TCF25: variants seen among roughly 807,000 people sequenced by gnomAD.
TCF25 encodes the protein TCF25 ribosome quality control complex subunit.
TCF25 carries 41 observed loss-of-function variants against 83.1 expected under a neutral mutation model. The ratio of observed to expected loss-of-function variants is 0.49; its 90% CI spans 0.38 to 0.64. TCF25 has a LOEUF of 0.64. TCF25 is among the 30% of genes least tolerant of loss of function. TCF25 has a pLI of 0.00. For synonymous variants in TCF25, 458 were observed against 365.0 expected (o/e 1.25, Z -2.90); for missense variants, 979 against 914.5 (o/e 1.07, Z -0.91).
intron 1 of TCF25, among the ~76,000 whole-genome samples, chr16:89,875,820 CTTTTTTTTTTTTTTTT>C (rs1164528945): frequency 3.1e-4 from 20 of 64,836 alleles, no homozygotes; most frequent in African/African-American, 9.7e-4. Flanking sequence ...CTGCGCCTGG[CTTTTTTTTTTTTTTTT>C]TTTTTTTTTT....
At chr16:89,905,908 T>C (rs1473064704) in intron 14 of TCF25, among the ~76,000 whole-genome samples, 3 of 152,220 alleles carry the variant, frequency 2.0e-5, no homozygotes, top group African/African-American at 7.2e-5. Context: ...ACTCAGTGAC[T>C]TCCCACAAGA....
chr16:89,886,654 C>T (rs1189743256), intron 4 of TCF25, among the ~76,000 whole-genome samples: 2 of 151,838 alleles, frequency 1.3e-5, no homozygotes, highest in African/African-American at 2.4e-5. Flanking sequence ...CCCAGCTACT[C>T]AGGGGGCTGA....
intron 1 of TCF25, among the ~76,000 whole-genome samples, chr16:89,875,082 C>T (rs12446243): frequency 0.12 from 18,317 of 152,196 alleles, 2,412 homozygotes; most frequent in East Asian, 0.62. Context: ...TCACTGCAAC[C>T]TTGAACTCCT....
intron 1 of TCF25, among the ~76,000 whole-genome samples, chr16:89,877,740 T>C (rs980860828): frequency 6.6e-6 from 1 of 152,032 alleles, no homozygotes; most frequent in Non-Finnish European, 1.5e-5. Flanking sequence ...AACTCTAGAT[T>C]GACTGATGGA....
intron 16 of TCF25, chr16:89,909,136 A>C: frequency 7.8e-7 from 1 of 1,283,262 alleles, no homozygotes; most frequent in African/African-American, 1.5e-5. Flanking sequence ...AAAACATATT[A>C]ATTTTAGAAT....
At chr16:89,907,142 G>A (rs1211660769) in intron 15 of TCF25, 101 bp from the exon 16 acceptor site, 3 of 1,136,664 alleles carry the variant, frequency 2.6e-6, no homozygotes, top group African/African-American at 1.5e-5. Flanking sequence ...CTCAGCAGAT[G>A]CATCCAGTCC....
intron 1 of TCF25, chr16:89,878,539 T>G (rs927417991): frequency 8.1e-7 from 1 of 1,235,350 alleles, no homozygotes; most frequent in African/African-American, 1.6e-5. Context: ...TGATCGAGCT[T>G]TATCCTAAAG....
intron 15 of TCF25, 48 bp downstream of exon 15, chr16:89,906,332 G>A (rs758869679): frequency 1.9e-6 from 3 of 1,582,626 alleles, no homozygotes; most frequent in African/African-American, 1.3e-5. Flanking sequence ...CCGGTCACAT[G>A]CACGTCCCTT....
At chr16:89,892,368 A>T (rs2043496541) in intron 6 of TCF25, 93 bp downstream of exon 6, 7 of 888,180 alleles carry the variant, frequency 7.9e-6, no homozygotes, top group Admixed American at 2.9e-5. Context: ...GGGTCTGCAG[A>T]GGCTGCTGGG....
In TCF25 at chr16:89,884,585, C is replaced by T. The variant is rs1334206036; in HGVS notation, c.358C>T (p.His120Tyr). 7.4e-6 allele frequency: 12 copies of T among 1,613,548 alleles called. No homozygotes were observed. The highest frequency in any genetic ancestry group is 1.1e-5 in the South Asian group (1 of 91,056). ...GAAAATGTGTTTCTATCATTAGTCTCATGCAAGTGGCAAACTCCGGAAGAA... is the reference window on the plus strand; with the variant it reads ...GAAAATGTGTTTCTATCATTAGTCTTATGCAAGTGGCAAACTCCGGAAGAA... ...DTETVPSEQS[H>Y]ASGKLRKKKK... The change falls in exon 3 of 18, where the codon CAT becomes TAT. Residue 120 changes from histidine (H) to tyrosine (Y), a missense_variant. By Grantham distance (83) the His-to-Tyr change is moderately conservative. Transcript: ENST00000263346.
intron 9 of TCF25, 111 bp from the exon 10 acceptor site, chr16:89,898,446 G>C: frequency 1.9e-6 from 2 of 1,047,482 alleles, no homozygotes; most frequent in Non-Finnish European, 2.9e-6. Context: ...GGGTGGTACT[G>C]GCCAGGACGC....
chr16:89,898,682 G>A (rs772919541), intron 10 of TCF25, 33 bp downstream of exon 10: 11 of 1,611,562 alleles, frequency 6.8e-6, no homozygotes, highest in Middle Eastern at 1.6e-4. Flanking sequence ...GCCCGTCCAC[G>A]CTCCCTGTCC....
At chr16:89,902,701 A>G (rs2044443151) in intron 12 of TCF25, among the ~76,000 whole-genome samples, 1 of 129,946 alleles carries the variant, frequency 7.7e-6, no homozygotes, top group South Asian at 2.4e-4. Flanking sequence ...AAAAAAAGAA[A>G]AAAAAAAAAA....
intron 12 of TCF25, among the ~76,000 whole-genome samples, chr16:89,903,458 C>T (rs2044514192): frequency 6.6e-6 from 1 of 152,116 alleles, no homozygotes; most frequent in South Asian, 2.1e-4. Flanking sequence ...ATCGCTTGAG[C>T]ATAGGAGTTC....
chr16:89,904,927 C>T lies in TCF25; in HGVS notation c.1470-11C>T. ...AGAGGGGTTCTGCTCAGAGCCCTTG[C>T]TCTCCCCCAGCCAGCCCCCTGCCCT... is the stretch of plus-strand genomic sequence containing the variant. On this transcript the variant is annotated splice_polypyrimidine_tract_variant and intron_variant, in intron 13 of 17. Transcript: ENST00000263346. 6.3e-7 allele frequency: 1 copy of T among 1,599,576 alleles called. No homozygotes were observed.
intron 12 of TCF25, among the ~76,000 whole-genome samples, chr16:89,903,814 CA>C (rs112379009): frequency 6.8e-4 from 102 of 150,736 alleles, no homozygotes; most frequent in African/African-American, 2.5e-3. Context: ...CTCAGAAAAA[CA>C]AAAAAAAACC....
intron 6 of TCF25, 55 bp downstream of exon 6, chr16:89,892,330 A>G: frequency 2.0e-6 from 3 of 1,520,548 alleles, no homozygotes; most frequent in Non-Finnish European, 1.8e-6. Flanking sequence ...TTGTCTGTGC[A>G]CTGGCCCCGG....
At chr16:89,876,158 C>G (rs1192321896) in intron 1 of TCF25, among the ~76,000 whole-genome samples, 1 of 152,120 alleles carries the variant, frequency 6.6e-6, no homozygotes, top group Non-Finnish European at 1.5e-5. Context: ...GTAACACTAA[C>G]AGCCTCCATG....
chr16:89,902,991 G>T (rs960462307), intron 12 of TCF25, among the ~76,000 whole-genome samples: 1 of 152,198 alleles, frequency 6.6e-6, no homozygotes, highest in African/African-American at 2.4e-5. Flanking sequence ...GCCTGGCCAG[G>T]CCTCAGTCTG....
Sources: gnomAD v4.1 joint callset for allele counts (sites outside exome capture counted in the v4.1 genomes callset) on GRCh38, gnomAD v4.1.1 for gene constraint, MANE v1.5 for transcripts, NCBI Gene and HGNC (gene_info 2026-07-23, HGNC 2026-07-21) for gene names.